Variants in C1orf87 observed in about 807,000 individuals in gnomAD.
C1orf87 encodes uncharacterized protein C1orf87.
C1orf87 carries 58 observed loss-of-function variants against 60.5 expected under a neutral mutation model. The ratio of observed to expected loss-of-function variants is 0.96; its 90% confidence interval spans 0.78 to 1.19. The LOEUF is 1.19. Ranked by LOEUF, C1orf87 falls within the 50% of genes most tolerant of loss-of-function variation. The pLI is 0.00. For missense variants in C1orf87, 673 were observed against 638.6 expected, an observed-to-expected ratio of 1.05 and a Z score of -0.58; for synonymous variants, 236 against 227.4, an observed-to-expected ratio of 1.04 and a Z score of -0.34.
In C1orf87 at chr1:60,025,391, G is replaced by C; in HGVS notation, c.1127+10C>G. 1 of 1,598,354 alleles carries C rather than the reference G, an allele frequency of 6.3e-7. No homozygotes were observed. The highest frequency in any genetic ancestry group is 8.6e-7 in the Non-Finnish European group (1 of 1,166,730). On this transcript the variant is annotated intron_variant, in intron 8 of 11. Transcript: ENST00000371201. ...TACAAACATTCAGTTCTTAATAAGA[G>C]TTGACTTACTTTATTTCATTTTGGT...
At chr1:59,995,940 A>G (rs1644960473) in intron 11 of C1orf87, among the ~76,000 whole-genome samples, 1 of 152,214 alleles carries the variant, frequency 6.6e-6, no homozygotes, top group Non-Finnish European at 1.5e-5. Flanking sequence ...GCCAGAGACT[A>G]TGTCTCATCC....
chr1:59,998,095 T>C (rs544740451), intron 10 of C1orf87, among the ~76,000 whole-genome samples: 1 of 149,260 alleles, frequency 6.7e-6, no homozygotes, highest in South Asian at 2.1e-4. Flanking sequence ...ACTTTGTAAC[T>C]GACTGAGGCT....
At chr1:60,060,371 A>G (rs1645487316) in intron 2 of C1orf87, among the ~76,000 whole-genome samples, 2 of 152,112 alleles carry the variant, frequency 1.3e-5, no homozygotes, top group African/African-American at 2.4e-5. Flanking sequence ...TAAAATGTAT[A>G]AAATATTGAG....
chr1:60,041,116 T>G lies in C1orf87; in HGVS notation c.358A>C (p.Asn120His), dbSNP rs1182776536. 6.3e-7 allele frequency: 1 copy of G among 1,580,742 alleles called. No individual in the cohort carries two copies. The highest frequency in any genetic ancestry group is 1.1e-5 in the South Asian group (1 of 87,378). Reference sequence around the variant, plus strand: ...GTTGGTACAGAGCTGCAGTGGACATTTGCTTGACTGGGAATCTTAACAGAA... The same window carrying G: ...GTTGGTACAGAGCTGCAGTGGACATGTGCTTGACTGGGAATCTTAACAGAA... ...FLDGNIPSQA[N>H]VHCSSVPTGD... The change falls in exon 4 of 12, where the codon AAT becomes CAT. Residue 120 changes from asparagine to histidine, a missense_variant. Transcript: ENST00000371201.
intron 7 of C1orf87, among the ~76,000 whole-genome samples, chr1:60,028,614 C>T (rs936087681): frequency 3.3e-5 from 5 of 152,154 alleles, no homozygotes; most frequent in African/African-American, 7.2e-5. Flanking sequence ...CCCCAAAATG[C>T]TCCTTGAAAG....
At chr1:59,998,060 A>C (rs562147456) in intron 10 of C1orf87, among the ~76,000 whole-genome samples, 29 of 152,264 alleles carry the variant, frequency 1.9e-4, no homozygotes, top group African/African-American at 6.5e-4. Context: ...TTCAGTTTTC[A>C]TTTTTGACTT....
At chr1:60,028,213 A>C (rs1484859791) in intron 7 of C1orf87, among the ~76,000 whole-genome samples, 1 of 152,246 alleles carries the variant, frequency 6.6e-6, no homozygotes, top group Non-Finnish European at 1.5e-5. Context: ...TGATTAGAAC[A>C]TATTGATGTA....
At chr1:60,072,396 G>C in intron 2 of C1orf87, 141 bp downstream of exon 2, 1 of 590,794 alleles carries the variant, frequency 1.7e-6, no homozygotes, top group Non-Finnish European at 2.9e-6. Context: ...TTATCAACAC[G>C]ATTTTACCTC....
intron 3 of C1orf87, among the ~76,000 whole-genome samples, chr1:60,049,719 T>C (rs1333500967): frequency 2.6e-5 from 4 of 152,168 alleles, no homozygotes; most frequent in African/African-American, 4.8e-5. Flanking sequence ...TATTTGTATA[T>C]GTTTATTTCT....
At chr1:60,065,623 T>C (rs1645540863) in intron 2 of C1orf87, among the ~76,000 whole-genome samples, 2 of 152,148 alleles carry the variant, frequency 1.3e-5, no homozygotes, top group Admixed American at 6.6e-5. Flanking sequence ...TGGCACTCAG[T>C]AGGTGCTCAG....
intron 3 of C1orf87, among the ~76,000 whole-genome samples, chr1:60,051,064 C>G (rs536138664): frequency 6.6e-6 from 1 of 152,088 alleles, no homozygotes; most frequent in South Asian, 2.1e-4. Context: ...GAGAATTTTA[C>G]CCATAAAGAA....
chr1:60,044,435 C>A (rs1645351466), intron 3 of C1orf87, among the ~76,000 whole-genome samples: 1 of 152,182 alleles, frequency 6.6e-6, no homozygotes. Flanking sequence ...TTTATACATT[C>A]TAAAACCTTA....
chr1:60,060,095 T>TTC (rs896667488), intron 2 of C1orf87, among the ~76,000 whole-genome samples: 2 of 150,882 alleles, frequency 1.3e-5, no homozygotes, highest in African/African-American at 4.9e-5. Flanking sequence ...TTTTTCTTTT[T>TTC]TTTTTTTTAT....
At chr1:60,025,370 A>C (rs772586264) in intron 8 of C1orf87, 31 bp downstream of exon 8, 222 of 1,541,818 alleles carry the variant, frequency 1.4e-4, no homozygotes, top group Non-Finnish European at 1.9e-4. Context: ...GGTGGATACA[A>C]ACATTCAGTT....
intron 2 of C1orf87, among the ~76,000 whole-genome samples, chr1:60,069,104 A>G (rs1645567609): frequency 6.6e-6 from 1 of 152,226 alleles, no homozygotes; most frequent in African/African-American, 2.4e-5. Context: ...ACAGAAATGC[A>G]TAGGAAGTTG....
rs1357739098 is a variant in C1orf87 at position 60,043,839 on chromosome 1, A to G, written c.343-2708T>C. Reference sequence around the variant, plus strand: ...GTTTCTATGATAGTGTTTTAAAGAAATGTTATCAATACTTTATCATTCCAT... The same window carrying G: ...GTTTCTATGATAGTGTTTTAAAGAAGTGTTATCAATACTTTATCATTCCAT... On this transcript the variant is annotated intron_variant, in intron 3 of 11. Coordinates refer to ENST00000371201, the MANE Select transcript of C1orf87 (RefSeq NM_152377.3). Among the ~76,000 whole-genome samples the G allele has an allele frequency of 4.6e-5, 7 of 152,162 alleles. No individual in the cohort carries two copies. In the East Asian group the frequency reaches 1.2e-3, roughly 25 times the overall value.
intron 8 of C1orf87, among the ~76,000 whole-genome samples, chr1:60,022,708 T>C (rs952647954): frequency 6.6e-6 from 1 of 152,068 alleles, no homozygotes; most frequent in Admixed American, 6.5e-5. Flanking sequence ...GAAAGTATTT[T>C]ACAGTTTATC....
chr1:59,998,021 T>G (rs1266441331), intron 10 of C1orf87, among the ~76,000 whole-genome samples: 1 of 152,174 alleles, frequency 6.6e-6, no homozygotes, highest in Non-Finnish European at 1.5e-5. Flanking sequence ...TGTGTGTGTC[T>G]AAAGAGAAGG....
chr1:60,010,290 A>G, intron 9 of C1orf87, 102 bp downstream of exon 9: 2 of 1,035,760 alleles, frequency 1.9e-6, no homozygotes, highest in Admixed American at 2.1e-5. Flanking sequence ...GAGAGAAATG[A>G]GATGAAACCC....
Sources: allele counts gnomAD v4.1 joint callset (sites outside exome capture counted in the v4.1 genomes callset), GRCh38; gene constraint gnomAD v4.1.1; transcripts MANE v1.5; gene names NCBI Gene and HGNC (gene_info 2026-07-23, HGNC 2026-07-21).